NBPF9: variants seen among roughly 807,000 people sequenced by gnomAD.
NBPF9 encodes the protein NBPF family member NBPF9.
A neutral mutation model predicts 97.8 loss-of-function variants in NBPF9; 91 were observed. That is an observed-to-expected ratio of 0.93 (90% CI 0.79 to 1.11). The LOEUF (loss-of-function observed/expected upper bound fraction) is 1.11, where lower values mean the gene tolerates loss of function less well. Ranked by LOEUF, NBPF9 falls within the 50% of genes least tolerant of loss-of-function variation. The pLI, the probability that NBPF9 is intolerant of heterozygous loss-of-function variation, is 0.00. For missense variants in NBPF9, 992 were observed against 939.5 expected, an observed-to-expected ratio of 1.06 and a Z score of -0.73; for synonymous variants, 334 against 359.5, an observed-to-expected ratio of 0.93 and a Z score of 0.80.
chr1:149,058,730 G>A, intron 26 of NBPF9, 195 bp downstream of exon 26: 7 of 493,670 alleles, frequency 1.4e-5, no homozygotes, highest in South Asian at 1.4e-4. Flanking sequence ...ACTAGGAATA[G>A]AGCCTTGCTC....
intron 21 of NBPF9, among the ~76,000 whole-genome samples, chr1:149,062,625 C>T (rs1463899646): frequency 6.9e-6 from 1 of 144,516 alleles, no homozygotes; most frequent in Non-Finnish European, 1.5e-5. Flanking sequence ...GCTCAAGATT[C>T]CATGCAGTTG....
rs12026633 is a variant in NBPF9, at chr1:149,055,830, A to C, written c.3162T>G (p.Ser1054=). The C allele has an allele frequency of 0.016, 24,061 of 1,548,500 alleles. 5,290 individuals carry two copies. The East Asian group carries it at 0.4, about 25-fold the overall frequency. ...GTAGTTCAAAGTACATTGACGGAGT[A>C]GAATAACATCCATCCAGTGAGTCCT... Residue 1054 remains serine, a synonymous_variant, in exon 30 of 30, where the codon TCT becomes TCG. Coordinates refer to ENST00000584027, the Ensembl canonical transcript of NBPF9.
At chr1:149,087,753 G>T (rs2081126680) in intron 5 of NBPF9, among the ~76,000 whole-genome samples, 1 of 144,690 alleles carries the variant, frequency 6.9e-6, no homozygotes, top group East Asian at 2.3e-4. Context: ...CACTAATTTA[G>T]TTCTTTCATA....
intron 12 of NBPF9, among the ~76,000 whole-genome samples, 151 bp downstream of exon 12, chr1:149,075,504 C>A (rs2079782898): frequency 6.6e-6 from 1 of 152,148 alleles, no homozygotes; most frequent in African/African-American, 2.4e-5. Flanking sequence ...CTCTGTCTTC[C>A]AACTTTGACA....
chr1:149,074,567 T>C (rs782198601), intron 12 of NBPF9, among the ~76,000 whole-genome samples: 5 of 151,066 alleles, frequency 3.3e-5, no homozygotes, highest in Admixed American at 6.6e-5. Context: ...TTTACAGAGG[T>C]AGGTATTATT....
In NBPF9 at chr1:149,055,532, G is replaced by C. The variant is rs1370851063; in HGVS notation, c.*124C>G. The stretch of plus-strand genomic sequence containing the variant: ...CTGGCATGGTTTGAGAATAGGAATA[G>C]AGCCATGCCCACTGACCCATCCTAT... On this transcript the variant is annotated 3_prime_UTR_variant, in exon 30 of 30. Transcript: ENST00000584027. 23 of 1,560,898 alleles carry C rather than the reference G, an allele frequency of 1.5e-5. 1 individual carries two copies. Among genetic ancestry groups the C allele is most frequent in the East Asian group, 1.1e-4 (5 of 44,562 alleles).
chr1:149,059,634 T>G (rs2078472230), intron 25 of NBPF9, 66 bp downstream of exon 25: 2 of 544,634 alleles, frequency 3.7e-6, no homozygotes, highest in East Asian at 5.1e-5. Context: ...CACACTCTGG[T>G]TTCCCTGAAT....
chr1:149,084,428 TTATATA>T (rs1186413462), intron 5 of NBPF9, among the ~76,000 whole-genome samples: 1 of 146,040 alleles, frequency 6.8e-6, no homozygotes, highest in East Asian at 2.0e-4. Context: ...TGTATATATA[TTATATA>T]TATATATATT....
chr1:149,072,697 C>T, intron 14 of NBPF9, 21 bp downstream of exon 14: 1 of 1,611,660 alleles, frequency 6.2e-7, no homozygotes, highest in Non-Finnish European at 8.5e-7. Flanking sequence ...TTTGGGTCAA[C>T]AGGGCCTATG....
intron 7 of NBPF9, among the ~76,000 whole-genome samples, 190 bp from the exon 8 acceptor site, chr1:149,080,345 G>A (rs373980898): frequency 6.6e-6 from 1 of 150,416 alleles, no homozygotes; most frequent in Admixed American, 6.6e-5. Flanking sequence ...AAAATTTAAA[G>A]ACGAAGAAAG....
exon 4 of NBPF9, chr1:149,098,706 C>T (rs1438216427): frequency 2.2e-6 from 1 of 454,550 alleles, no homozygotes. Context: ...TTTCAGATTG[C>T]CTATGAGATA....
At chr1:149,084,268 GTA>G (rs2080788979) in intron 5 of NBPF9, among the ~76,000 whole-genome samples, 1 of 144,602 alleles carries the variant, frequency 6.9e-6, no homozygotes, top group Admixed American at 7.0e-5. Context: ...ATATACACGT[GTA>G]TATATATTAT....
At chr1:149,055,314 T>A (rs2078131923) in exon 30 of NBPF9, 1 of 454,362 alleles carries the variant, frequency 2.2e-6, no homozygotes, top group Non-Finnish European at 4.0e-6. Context: ...AAGATGACAA[T>A]GACCTTGAGC....
chr1:149,071,831 G>T, intron 14 of NBPF9, among the ~76,000 whole-genome samples, 155 bp from the exon 15 acceptor site: 1 of 150,806 alleles, frequency 6.6e-6, no homozygotes, highest in Non-Finnish European at 1.5e-5. Flanking sequence ...CCCTGGCATG[G>T]TTTCCTGATC....
In NBPF9 at chr1:149,072,945, G is replaced by T. The variant is rs1331022171; in HGVS notation, c.1092-13C>A. ...GACTTTATATTGCCTAAGGTGAGAT[G>T]GTAGAGAAAAATTAAGAGTGGAAAG... On this transcript the variant is annotated splice_polypyrimidine_tract_variant and intron_variant, in intron 13 of 29. Transcript: ENST00000584027. 7 of 1,606,104 alleles carry T rather than the reference G, an allele frequency of 4.4e-6. No homozygotes were observed. The African/African-American group carries it at 9.4e-5, about 21-fold the overall frequency.
chr1:149,077,608 G>C (rs377483304), intron 10 of NBPF9, among the ~76,000 whole-genome samples, 189 bp from the exon 11 acceptor site: 3 of 152,340 alleles, frequency 2.0e-5, no homozygotes, highest in African/African-American at 7.2e-5. Context: ...ATGGGAGCCA[G>C]AGAGGAAGAG....
chr1:149,059,433 T>A lies in NBPF9; in HGVS notation c.2585+267A>T, dbSNP rs1262902014. On this transcript the variant is annotated intron_variant, in intron 25 of 29. Transcript: ENST00000584027. ...ATCATGAAAAGAGTGAGCTCAATAGTTTTCCATAAAATATGCTCAAAATTC... is the reference window on the plus strand; with the variant it reads ...ATCATGAAAAGAGTGAGCTCAATAGATTTCCATAAAATATGCTCAAAATTC... The A allele has an allele frequency of 2.2e-5, 9 of 401,796 alleles. 4 individuals are homozygous for A. The highest frequency in any genetic ancestry group is 1.7e-4 in the South Asian group (6 of 36,260). The allele number at this position is 401,796 out of a possible 1,614,324, so 24.9% of individuals were successfully genotyped here.
At chr1:149,060,172 G>T (rs1300984004) in intron 24 of NBPF9, 1 of 183,114 alleles carries the variant, frequency 5.5e-6, no homozygotes, top group Admixed American at 8.2e-5. Flanking sequence ...GATTGTTCAT[G>T]GTTGTGAGGA....
Position 149,060,302 on chromosome 1 carries a change from C to T in NBPF9, c.2476+221G>A, listed in dbSNP as rs1559518189. The T allele has an allele frequency of 2.3e-5, 9 of 387,204 alleles. 1 individual carries two copies. Among genetic ancestry groups the T allele is most frequent in the Non-Finnish European group, 3.8e-5 (8 of 208,446 alleles). 24.0% of individuals were successfully genotyped at this position (387,204 alleles called of 1,614,324 possible). A position where few individuals can be genotyped will look rare whatever the true frequency, so the allele number is the denominator to read the frequency against. On this transcript the variant is annotated intron_variant, in intron 24 of 29. Transcript: ENST00000584027. ...TGTCATGAGGATAGGATCAGGGCGC[C>T]ACAGGTATGGCCTGAGACTAGGAAG...
Sources: allele counts gnomAD v4.1 joint callset (sites outside exome capture counted in the v4.1 genomes callset), GRCh38; gene constraint gnomAD v4.1.1; transcripts MANE v1.5; gene names NCBI Gene and HGNC (gene_info 2026-07-23, HGNC 2026-07-21).